Variants in NCAPG2 observed in about 807,000 individuals in gnomAD.
NCAPG2 encodes condensin-2 complex subunit G2.
Under a neutral mutation model 141.1 loss-of-function variants are expected in NCAPG2, and 53 were observed. The observed-to-expected ratio is 0.38, with a 90% confidence interval of 0.30 to 0.47. The LOEUF (loss-of-function observed/expected upper bound fraction) is 0.47, where lower values mean the gene tolerates loss of function less well. Among genes scored for constraint, NCAPG2 ranks in the 20% least tolerant of loss-of-function variants. NCAPG2 has a pLI of 0.99. For missense variants in NCAPG2, 1,087 were observed against 1,389.0 expected, an observed-to-expected ratio of 0.78 and a Z score of 3.46; for synonymous variants, 499 against 490.7, an observed-to-expected ratio of 1.02 and a Z score of -0.22.
At chr7:158,675,200 C>G (rs1833977713) in intron 12 of NCAPG2, among the ~76,000 whole-genome samples, 1 of 152,178 alleles carries the variant, frequency 6.6e-6, no homozygotes, top group African/African-American at 2.4e-5. Context: ...GCATATTTCT[C>G]CAAGACATTA....
Position 158,631,472 on chromosome 7 carries a change from G to T in NCAPG2, c.*194C>A. The T allele has an allele frequency of 1.6e-6, 1 of 608,042 alleles. No individual in the cohort carries two copies. 37.7% of individuals were successfully genotyped at this position (608,042 alleles called of 1,614,324 possible). On this transcript the variant is annotated 3_prime_UTR_variant, in exon 28 of 28. Transcript: ENST00000356309. ...CCTTTATATTAAATATATTATTTACGCAGGCACTAGGCAAAATTGAAGAAG... is the reference window on the plus strand; with the variant it reads ...CCTTTATATTAAATATATTATTTACTCAGGCACTAGGCAAAATTGAAGAAG...
intron 27 of NCAPG2, among the ~76,000 whole-genome samples, chr7:158,642,645 T>C (rs1830727768): frequency 6.6e-6 from 1 of 152,110 alleles, no homozygotes; most frequent in Non-Finnish European, 1.5e-5. Context: ...ATTTATAGCA[T>C]TGAAAGTACA....
At chr7:158,655,999 G>A (rs1831944843) in intron 19 of NCAPG2, among the ~76,000 whole-genome samples, 1 of 152,162 alleles carries the variant, frequency 6.6e-6, no homozygotes, top group African/African-American at 2.4e-5. Flanking sequence ...GAGACACTGG[G>A]GCCATCCTCC....
At chr7:158,638,396 C>T (rs953239553) in intron 27 of NCAPG2, among the ~76,000 whole-genome samples, 1 of 151,840 alleles carries the variant, frequency 6.6e-6, no homozygotes, top group Non-Finnish European at 1.5e-5. Flanking sequence ...CATGCTACCA[C>T]ACCTGTCTAA....
At chr7:158,703,581 G>C (rs1050348289) in intron 1 of NCAPG2, 1 of 152,002 alleles carries the variant, frequency 6.6e-6, no homozygotes, top group African/African-American at 2.4e-5. Flanking sequence ...CATGTTTCTT[G>C]TACCATATGT....
intron 27 of NCAPG2, among the ~76,000 whole-genome samples, chr7:158,636,729 T>C (rs2129455805): frequency 6.6e-6 from 1 of 152,158 alleles, no homozygotes; most frequent in East Asian, 1.9e-4. Context: ...AGAAAAATGC[T>C]TAGACTTTTG....
intron 12 of NCAPG2, among the ~76,000 whole-genome samples, chr7:158,674,999 C>A (rs1563553110): frequency 6.6e-6 from 1 of 152,176 alleles, no homozygotes; most frequent in Non-Finnish European, 1.5e-5. Flanking sequence ...AGATCAGTGG[C>A]CACCCCACTA....
chr7:158,680,161 G>GT, intron 10 of NCAPG2, 76 bp from the exon 11 acceptor site: 2 of 1,426,546 alleles, frequency 1.4e-6, no homozygotes, highest in East Asian at 4.6e-5. Flanking sequence ...TGTTCCCAAA[G>GT]TAACACTTTA....
chr7:158,698,003 A>T (rs991161681), intron 2 of NCAPG2, among the ~76,000 whole-genome samples: 13 of 152,186 alleles, frequency 8.5e-5, no homozygotes, highest in African/African-American at 2.9e-4. Flanking sequence ...ACTAAAAATA[A>T]CTAATTACTA....
chr7:158,662,341 G>A lies in NCAPG2; in HGVS notation c.1842C>T (p.Asn614=), dbSNP rs368695018. ...GTAAACCTGCCATGCATGCAACATC[G>A]TTTACTGACAGTGTTTTGTCCAGAA... The part of the protein sequence containing the change: ...VTVLDKTLSV[N]DVACMAGLLE... The change falls in exon 16 of 28, where the codon AAC becomes AAT. Residue 614 remains asparagine, a synonymous_variant. Transcript: ENST00000356309. The A allele has an allele frequency of 1.4e-5, 22 of 1,588,518 alleles. No individual in the cohort carries two copies. The highest frequency in any genetic ancestry group is 6.8e-5 in the African/African-American group (5 of 73,864).
intron 5 of NCAPG2, 151 bp downstream of exon 5, chr7:158,690,417 C>A: frequency 1.5e-6 from 1 of 674,904 alleles, no homozygotes; most frequent in South Asian, 2.1e-5. Context: ...AGGTGGTGCA[C>A]TCCTGAAGTC....
chr7:158,667,122 T>C, intron 13 of NCAPG2: 4 of 984,318 alleles, frequency 4.1e-6, no homozygotes, highest in African/African-American at 1.7e-5. Context: ...TTAGCTTGCA[T>C]GCTCGTCACA....
At chr7:158,680,205 G>A (rs1834361432) in intron 10 of NCAPG2, 120 bp from the exon 11 acceptor site, 1 of 1,169,618 alleles carries the variant, frequency 8.5e-7, no homozygotes, top group Admixed American at 2.3e-5. Flanking sequence ...TCAAATTACA[G>A]ACAATTATAA....
rs767612678 is a variant in NCAPG2, at chr7:158,652,246, C to T, written c.2934+47G>A. The T allele has an allele frequency of 9.6e-6, 15 of 1,559,998 alleles. No individual in the cohort carries two copies. The Admixed American group carries it at 2.4e-4, about 25-fold the overall frequency. On this transcript the variant is annotated intron_variant, in intron 23 of 27. Coordinates refer to ENST00000356309, the MANE Select transcript of NCAPG2 (RefSeq NM_017760.7). Reference sequence around the variant, plus strand: ...ATGCATCTGTGTAGGTGTAGCCAGCCCTGAAAAGCCCATCTAGCGAACCCC... The same window carrying T: ...ATGCATCTGTGTAGGTGTAGCCAGCTCTGAAAAGCCCATCTAGCGAACCCC...
intron 27 of NCAPG2, among the ~76,000 whole-genome samples, chr7:158,639,016 A>G (rs951929235): frequency 2.0e-5 from 3 of 152,222 alleles, no homozygotes; most frequent in South Asian, 2.1e-4. Flanking sequence ...ACAATGCCCA[A>G]AATTATACTG....
chr7:158,687,570 A>T (rs1834849553), intron 6 of NCAPG2, 128 bp from the exon 7 acceptor site: 1 of 667,314 alleles, frequency 1.5e-6, no homozygotes. Context: ...TGTAATTATC[A>T]CTGAGAGCAC....
At chr7:158,679,661 T>A (rs1260448235) in intron 11 of NCAPG2, among the ~76,000 whole-genome samples, 4 of 152,178 alleles carry the variant, frequency 2.6e-5, no homozygotes, top group Non-Finnish European at 1.5e-5. Context: ...ACCCACCATA[T>A]GACACCACCT....
At chr7:158,700,624 T>C (rs1423141703) in intron 2 of NCAPG2, among the ~76,000 whole-genome samples, 1 of 152,178 alleles carries the variant, frequency 6.6e-6, no homozygotes, top group East Asian at 1.9e-4. Flanking sequence ...TGCCTATGAG[T>C]TTGCGATTAT....
intron 1 of NCAPG2, chr7:158,702,192 A>C (rs1433978985): frequency 1.1e-5 from 3 of 277,642 alleles, no homozygotes; most frequent in Non-Finnish European, 2.0e-5. Flanking sequence ...CCAACTAAGG[A>C]GGGAGAAATC....
Sources: gnomAD v4.1 joint callset for allele counts (sites outside exome capture counted in the v4.1 genomes callset) on GRCh38, gnomAD v4.1.1 for gene constraint, MANE v1.5 for transcripts, NCBI Gene and HGNC (gene_info 2026-07-23, HGNC 2026-07-21) for gene names.